The following CAGE1 variants were observed in gnomAD, a reference collection of about 807,000 sequenced individuals.
The protein encoded by CAGE1 is cancer antigen 1, also known as cancer-associated gene 1 protein.
A neutral mutation model predicts 94.9 loss-of-function variants in CAGE1; 66 were observed. The ratio of observed to expected loss-of-function variants is 0.70; its 90% CI spans 0.57 to 0.85. The LOEUF is 0.85. CAGE1 is among the 40% of genes least tolerant of loss of function. CAGE1 has a pLI of 0.00. For synonymous variants in CAGE1, 319 were observed against 321.0 expected, an observed-to-expected ratio of 0.99 and a Z score of 0.07; for missense variants, 865 against 950.4, an observed-to-expected ratio of 0.91 and a Z score of 1.18.
Position 7,339,179 on chromosome 6 carries a change from C to T in CAGE1, c.2370-5089G>A. 6.6e-7 allele frequency: 1 copy of T among 1,517,766 alleles called. No individual in the cohort carries two copies. Among genetic ancestry groups the T allele is most frequent in the Non-Finnish European group, 9.1e-7 (1 of 1,093,534 alleles). The allele number at this position is 1,517,766 out of a possible 1,614,324, so 94.0% of individuals were successfully genotyped here. A position where few individuals can be genotyped will look rare whatever the true frequency, so the allele number is the denominator to read the frequency against. On this transcript the variant is annotated intron_variant, in intron 11 of 13. Coordinates refer to ENST00000502583, the MANE Select transcript of CAGE1 (RefSeq NM_001170692.2). This position sits in a 1 kb window ranked among gnomAD's most constrained non-coding sequence, Gnocchi z 4.7. The stretch of plus-strand genomic sequence containing the variant: ...ACACCACGACCTCACAGCCTTTGGC[C>T]CCAGTTTCCATGATGAACCGCGACA...
At chr6:7,360,619 A>C (rs1462060261) in intron 9 of CAGE1, among the ~76,000 whole-genome samples, 1 of 152,246 alleles carries the variant, frequency 6.6e-6, no homozygotes, top group African/African-American at 2.4e-5. Context: ...AATTCTCTAC[A>C]CAAAGGTTTT....
chr6:7,329,985 C>G, intron 12 of CAGE1, 97 bp from the exon 13 acceptor site: 1 of 613,350 alleles, frequency 1.6e-6, no homozygotes. Context: ...CATATTTTCC[C>G]CTCACTTTCA....
rs546448891 is a variant in CAGE1 at position 7,326,977 on chromosome 6, T to A, written c.2479-78A>T. On this transcript the variant is annotated intron_variant, in intron 13 of 13. Coordinates refer to ENST00000502583, the MANE Select transcript of CAGE1 (RefSeq NM_001170692.2). ...AGTGACAGAACCCCTAAACAGCCAA[T>A]TTTTTATTACATATGGAAAAGGGGT... 7.8e-6 allele frequency: 8 copies of A among 1,025,396 alleles called. No individual in the cohort carries two copies. In the South Asian group the frequency reaches 9.0e-5, roughly 12 times the overall value. 63.5% of individuals were successfully genotyped at this position (1,025,396 alleles called of 1,614,324 possible).
intron 4 of CAGE1, among the ~76,000 whole-genome samples, chr6:7,378,265 G>T (rs902115945): frequency 6.6e-6 from 1 of 152,172 alleles, no homozygotes; most frequent in African/African-American, 2.4e-5. Context: ...GCATAAGAGG[G>T]TGAGTAAGAC....
intron 11 of CAGE1, among the ~76,000 whole-genome samples, chr6:7,350,144 G>A (rs150260810): frequency 2.9e-4 from 44 of 152,200 alleles, no homozygotes; most frequent in African/African-American, 1.0e-3. Flanking sequence ...TAAAGCAACA[G>A]CAGTTAAAAG....
intron 3 of CAGE1, among the ~76,000 whole-genome samples, chr6:7,383,624 G>A (rs1561868711): frequency 6.6e-6 from 1 of 151,884 alleles, no homozygotes; most frequent in Non-Finnish European, 1.5e-5. Flanking sequence ...TATCTAGCAG[G>A]GTAAGTCTCC....
chr6:7,360,402 C>A (rs535458990), intron 9 of CAGE1, among the ~76,000 whole-genome samples: 1 of 152,226 alleles, frequency 6.6e-6, no homozygotes, highest in Non-Finnish European at 1.5e-5. Context: ...CTATCTAGGT[C>A]GTAATTCAAG....
At chr6:7,334,212 C>A in intron 11 of CAGE1, 122 bp from the exon 12 acceptor site, 1 of 572,704 alleles carries the variant, frequency 1.7e-6, no homozygotes, top group Admixed American at 3.3e-5. Flanking sequence ...ATATGCTATC[C>A]AACCACCTAA....
At chr6:7,344,033 T>C (rs1199105335) in intron 11 of CAGE1, among the ~76,000 whole-genome samples, 1 of 152,220 alleles carries the variant, frequency 6.6e-6, no homozygotes, top group Non-Finnish European at 1.5e-5. Flanking sequence ...TGTTAGAAAG[T>C]GGTGAGAGGT....
chr6:7,327,860 G>C (rs1758589190), intron 13 of CAGE1, among the ~76,000 whole-genome samples: 1 of 152,128 alleles, frequency 6.6e-6, no homozygotes, highest in African/African-American at 2.4e-5. Context: ...AACCCCGGAA[G>C]TGGAGGTTGC....
At chr6:7,346,595 C>T (rs921889595) in intron 11 of CAGE1, among the ~76,000 whole-genome samples, 1 of 151,406 alleles carries the variant, frequency 6.6e-6, no homozygotes, top group African/African-American at 2.4e-5. Flanking sequence ...ACCTGTAATC[C>T]CAGCACTTTG....
chr6:7,347,732 C>T (rs890930807), intron 11 of CAGE1, among the ~76,000 whole-genome samples: 4 of 152,056 alleles, frequency 2.6e-5, no homozygotes, highest in African/African-American at 7.2e-5. Context: ...TAAAAGGGGG[C>T]ATGGTGAGAG....
chr6:7,378,961 T>G lies in CAGE1; in HGVS notation c.343A>C (p.Ile115Leu), dbSNP rs767584206. ...GTTTCAAATTGTCTCAAGGAAGATA[T>G]GCTGATGGTGTCAACTGGCTGAATT... ...ALIQPVDTIS[I>L]SSLRQFETVC... Residue 115 changes from isoleucine to leucine, a missense_variant, in exon 4 of 14, where the codon ATA becomes CTA. Transcript: ENST00000502583. 1 of 1,574,662 alleles carries G rather than the reference T, an allele frequency of 6.4e-7. No homozygotes were observed. Among genetic ancestry groups the G allele is most frequent in the Non-Finnish European group, 8.6e-7 (1 of 1,158,500 alleles).
At chr6:7,359,690 G>A (rs1760105922) in intron 9 of CAGE1, among the ~76,000 whole-genome samples, 1 of 152,184 alleles carries the variant, frequency 6.6e-6, no homozygotes, top group South Asian at 2.1e-4. Context: ...GCTCAGTCAT[G>A]AGCCCTCCAA....
intron 11 of CAGE1, among the ~76,000 whole-genome samples, chr6:7,345,192 T>G (rs1561851771): frequency 8.6e-6 from 1 of 115,714 alleles, no homozygotes; most frequent in Admixed American, 8.6e-5. Flanking sequence ...TGTGAAGGTT[T>G]GTAGTTTCAC....
intron 3 of CAGE1, among the ~76,000 whole-genome samples, chr6:7,384,147 G>A (rs1467456915): frequency 1.3e-5 from 2 of 151,890 alleles, no homozygotes; most frequent in East Asian, 1.9e-4. Context: ...GCACCATCTC[G>A]GCTCACTGCA....
At chr6:7,376,286 G>A (rs1270034212) in intron 4 of CAGE1, among the ~76,000 whole-genome samples, 1 of 152,098 alleles carries the variant, frequency 6.6e-6, no homozygotes, top group African/African-American at 2.4e-5. Context: ...CTACTGGGAA[G>A]GGTGAAGCAG....
At chr6:7,383,084 AG>A (rs1484639627) in intron 3 of CAGE1, among the ~76,000 whole-genome samples, 3 of 129,158 alleles carry the variant, frequency 2.3e-5, no homozygotes, top group African/African-American at 8.8e-5. Context: ...TTCTTGCGAT[AG>A]TTGAGTTCTC....
At chr6:7,330,790 T>C (rs559630331) in intron 12 of CAGE1, among the ~76,000 whole-genome samples, 1 of 152,354 alleles carries the variant, frequency 6.6e-6, no homozygotes, top group African/African-American at 2.4e-5. Context: ...AGAGCTCTTC[T>C]GCCCATCTCA....
Sources: gnomAD v4.1 joint callset for allele counts (sites outside exome capture counted in the v4.1 genomes callset) on GRCh38, gnomAD v4.1.1 for gene constraint, Gnocchi (gnomAD v3.1) non-coding constraint, MANE v1.5 for transcripts, NCBI Gene and HGNC (gene_info 2026-07-23, HGNC 2026-07-21) for gene names.